The following GSK3B variants were observed in gnomAD, a reference collection of about 807,000 sequenced individuals.
GSK3B encodes glycogen synthase kinase 3 beta.
GSK3B carries 15 observed loss-of-function variants against 56.4 expected under a neutral mutation model. The observed-to-expected ratio is 0.27, with a 90% CI of 0.18 to 0.41. The LOEUF (loss-of-function observed/expected upper bound fraction) is 0.41. GSK3B is among the 10% of genes least tolerant of loss of function. GSK3B has a pLI of 1.00. For synonymous variants in GSK3B, 181 were observed against 188.9 expected (o/e 0.96, Z 0.34); for missense variants, 300 against 513.4 (o/e 0.58, Z 4.02).
chr3:120,064,106 T>C (rs139031783), intron 1 of GSK3B, among the ~76,000 whole-genome samples: 301 of 151,944 alleles, frequency 2.0e-3, no homozygotes, highest in African/African-American at 6.4e-3. Flanking sequence ...TCACAATAAC[T>C]TCAAAAATAC....
At position 119,860,767 on chromosome 3, in the gene GSK3B, T is replaced by C. The variant is rs566910954; in HGVS notation, c.1096+2652A>G. Among the ~76,000 whole-genome samples, 23 of 152,308 alleles carry C rather than the reference T, an allele frequency of 1.5e-4. No homozygotes were observed. The East Asian group carries it at 4.4e-3, about 29-fold the overall frequency. On this transcript the variant is annotated intron_variant, in intron 9 of 10. Transcript: ENST00000264235. ...AACATTAGAAATGCCCAATAAATAC[T>C]GGTTGTATGAATTAATGAATATTAT...
intron 1 of GSK3B, among the ~76,000 whole-genome samples, chr3:120,059,869 G>A (rs2058221986): frequency 1.3e-5 from 2 of 152,170 alleles, no homozygotes; most frequent in Non-Finnish European, 2.9e-5. Context: ...AACAGCTATA[G>A]AACCCTAACC....
At chr3:119,976,447 T>C (rs2057408929) in intron 2 of GSK3B, among the ~76,000 whole-genome samples, 1 of 152,138 alleles carries the variant, frequency 6.6e-6, no homozygotes, top group African/African-American at 2.4e-5. Context: ...TCAAAAATAC[T>C]ATTCTAAGTG....
intron 9 of GSK3B, among the ~76,000 whole-genome samples, chr3:119,861,787 G>C (rs989152712): frequency 6.6e-6 from 1 of 152,080 alleles, no homozygotes; most frequent in Non-Finnish European, 1.5e-5. Flanking sequence ...CTTAGTATGC[G>C]TAAGCACACT....
chr3:119,950,587 T>A (rs1273567323), intron 2 of GSK3B, among the ~76,000 whole-genome samples: 2 of 152,050 alleles, frequency 1.3e-5, no homozygotes, highest in East Asian at 3.9e-4. Flanking sequence ...TGAATTAAAG[T>A]GGGTGTAGGG....
chr3:119,842,266 C>T (rs1165877784), intron 10 of GSK3B, among the ~76,000 whole-genome samples: 1 of 152,150 alleles, frequency 6.6e-6, no homozygotes, highest in Non-Finnish European at 1.5e-5. Flanking sequence ...CAGGCCCCAC[C>T]ATTAGCTGGC....
chr3:119,927,605 C>T (rs1304378744), intron 3 of GSK3B, among the ~76,000 whole-genome samples: 1 of 152,094 alleles, frequency 6.6e-6, no homozygotes, highest in East Asian at 1.9e-4. Context: ...TGAACTTTTA[C>T]TTAATGAATC....
intron 1 of GSK3B, among the ~76,000 whole-genome samples, chr3:120,042,098 G>A (rs949038310): frequency 3.3e-5 from 5 of 152,144 alleles, no homozygotes; most frequent in African/African-American, 7.2e-5. Flanking sequence ...AATCGCTATT[G>A]TCTATGTCCC....
chr3:119,869,541 T>C lies in GSK3B; in HGVS notation c.910-5936A>G, dbSNP rs999388006. ...GAGCATAAGAAACACAAAGAATCCT[T>C]TCCTTAGCCATGACAAATCTAACAT... On this transcript the variant is annotated intron_variant, in intron 8 of 10. Transcript: ENST00000264235. 8.5e-5 allele frequency among the ~76,000 whole-genome samples: 13 copies of C among 152,310 alleles called. No homozygotes were observed. In the South Asian group the frequency reaches 2.1e-3, roughly 24 times the overall value.
At chr3:120,068,047 A>C (rs1178319878) in intron 1 of GSK3B, among the ~76,000 whole-genome samples, 1 of 152,194 alleles carries the variant, frequency 6.6e-6, no homozygotes, top group South Asian at 2.1e-4. Flanking sequence ...CTTCTCTTTT[A>C]GAAACAAATA....
intron 1 of GSK3B, among the ~76,000 whole-genome samples, chr3:120,071,850 A>G (rs1182092472): frequency 6.6e-6 from 1 of 152,238 alleles, no homozygotes; most frequent in African/African-American, 2.4e-5. Context: ...GTTTGGGACC[A>G]CTGCCACCAC....
chr3:120,022,840 T>C (rs913413059), intron 1 of GSK3B, among the ~76,000 whole-genome samples: 3 of 152,222 alleles, frequency 2.0e-5, no homozygotes, highest in Admixed American at 2.0e-4. Flanking sequence ...GGTTCCTTTA[T>C]CACTGCCTGA....
intron 9 of GSK3B, among the ~76,000 whole-genome samples, chr3:119,858,251 C>T (rs1171799742): frequency 1.3e-5 from 2 of 152,238 alleles, no homozygotes; most frequent in Admixed American, 6.5e-5. Context: ...GACTTCTCCT[C>T]TCTAGCTAAG....
chr3:119,967,820 TTCTCTCTTTCTCTTTC>T (rs2057331916), intron 2 of GSK3B, among the ~76,000 whole-genome samples: 1 of 89,670 alleles, frequency 1.1e-5, no homozygotes, highest in Non-Finnish European at 2.3e-5. Context: ...CTCCCTCCCT[TTCTCTCTTTCTCTTTC>T]TCTCTCTCTC....
At chr3:119,908,862 C>A (rs1028221594) in intron 6 of GSK3B, among the ~76,000 whole-genome samples, 1 of 152,208 alleles carries the variant, frequency 6.6e-6, no homozygotes, top group African/African-American at 2.4e-5. Context: ...AACTGCTGGC[C>A]TCTTGGCAGA....
chr3:120,016,819 G>C (rs181073926), intron 1 of GSK3B, among the ~76,000 whole-genome samples: 1 of 152,182 alleles, frequency 6.6e-6, no homozygotes, highest in African/African-American at 2.4e-5. Context: ...TATTTTACTT[G>C]TAAGCCATAA....
chr3:120,090,648 A>G (rs181603064), intron 1 of GSK3B, among the ~76,000 whole-genome samples: 1 of 152,158 alleles, frequency 6.6e-6, no homozygotes, highest in Admixed American at 6.5e-5. Flanking sequence ...CCCCACTTTC[A>G]CATTTTACTT....
At chr3:119,867,434 G>A (rs545395545) in intron 8 of GSK3B, among the ~76,000 whole-genome samples, 1 of 152,080 alleles carries the variant, frequency 6.6e-6, no homozygotes. Flanking sequence ...AATAAATAGA[G>A]AACATTTTTT....
rs2056789382 is a variant in GSK3B at position 119,917,171 on chromosome 3, A to T, written c.478-997T>A. On this transcript the variant is annotated intron_variant, in intron 4 of 10. Transcript: ENST00000264235. ...AAAAAGATACTTAAAAGTCTAATGA[A>T]GCATTGACATATGGCACCATCTTTA... Among the ~76,000 whole-genome samples the T allele has an allele frequency of 4.6e-5, 7 of 152,188 alleles. No individual in the cohort carries two copies. The South Asian group carries it at 1.4e-3, about 32-fold the overall frequency.
Sources: gnomAD v4.1 joint callset for allele counts (sites outside exome capture counted in the v4.1 genomes callset) on GRCh38, gnomAD v4.1.1 for gene constraint, MANE v1.5 for transcripts, NCBI Gene and HGNC (gene_info 2026-07-23, HGNC 2026-07-21) for gene names.